The following TPMT variants were observed in gnomAD, a reference collection of about 807,000 sequenced individuals.
The protein encoded by TPMT is S-adenosyl-L-methionine:thiopurine S-methyltransferase.
A neutral mutation model predicts 34.2 loss-of-function variants in TPMT; 18 were observed. That is an observed-to-expected ratio of 0.53 (90% CI 0.36 to 0.78). The LOEUF is 0.78. Ranked by LOEUF, TPMT falls within the 30% of genes least tolerant of loss-of-function variation. The pLI is 0.00. For synonymous variants in TPMT, 69 were observed against 92.4 expected (o/e 0.75, Z 1.45); for missense variants, 265 against 288.1 (o/e 0.92, Z 0.58).
chr6:18,129,230 T>G lies in TPMT; in HGVS notation c.*1438A>C, dbSNP rs1783888517. 6.6e-6 allele frequency: 1 copy of G among 152,228 alleles called. No homozygotes were observed. The highest frequency in any genetic ancestry group is 2.4e-5 in the African/African-American group (1 of 41,460). 9.4% of individuals were successfully genotyped at this position (152,228 alleles called of 1,614,324 possible). On this transcript the variant is annotated 3_prime_UTR_variant, in exon 9 of 9. Transcript: ENST00000309983. Reference sequence around the variant, plus strand: ...CAGGTCTCAGAGAAGCAAGAATCACTGTGAGCAAGGAGTTGCTTCAAATTA... The same window carrying G: ...CAGGTCTCAGAGAAGCAAGAATCACGGTGAGCAAGGAGTTGCTTCAAATTA...
rs1407193615 is a variant in TPMT at position 18,140,054 on chromosome 6, A to G, written c.367-337T>C. On this transcript the variant is annotated intron_variant, in intron 4 of 8. Coordinates refer to ENST00000309983, the MANE Select transcript of TPMT (RefSeq NM_000367.5). This position sits in a 1 kb window ranked among gnomAD's most constrained non-coding sequence, Gnocchi z 4.7. ...CTGCTAAAGATAAATCTGCAGGTCA[A>G]CCAATTATCAGGCAGGGTGGTACTG... Among the ~76,000 whole-genome samples, 1 of 152,204 alleles carries G rather than the reference A, an allele frequency of 6.6e-6. No individual in the cohort carries two copies. Among genetic ancestry groups the G allele is most frequent in the African/African-American group, 2.4e-5 (1 of 41,460 alleles).
At position 18,135,908 on chromosome 6, in the gene TPMT, T is replaced by A. The variant is rs1228491099; in HGVS notation, c.495-2019A>T. 6.6e-6 allele frequency among the ~76,000 whole-genome samples: 1 copy of A among 152,084 alleles called. No individual in the cohort carries two copies. The highest frequency in any genetic ancestry group is 1.5e-5 in the Non-Finnish European group (1 of 68,016). On this transcript the variant is annotated intron_variant, in intron 6 of 8. Coordinates refer to ENST00000309983, the MANE Select transcript of TPMT (RefSeq NM_000367.5). This position sits in a 1 kb window ranked among gnomAD's most constrained non-coding sequence, Gnocchi z 5.0. ...AAGATACTACCAGTACATAGTAAACTAATATCGCCCTTGCTCAGAGTGCAG... is the reference window on the plus strand; with the variant it reads ...AAGATACTACCAGTACATAGTAAACAAATATCGCCCTTGCTCAGAGTGCAG...
At position 18,136,864 on chromosome 6, in the gene TPMT, A is replaced by G. The variant is rs1287719783; in HGVS notation, c.494+2099T>C. Reference sequence around the variant, plus strand: ...AAAATTTTTTTTTCTTTCTGGTAGGACAAATATTGGCAATTTTTGGGTGAG... The same window carrying G: ...AAAATTTTTTTTTCTTTCTGGTAGGGCAAATATTGGCAATTTTTGGGTGAG... On this transcript the variant is annotated intron_variant, in intron 6 of 8. Coordinates refer to ENST00000309983, the MANE Select transcript of TPMT (RefSeq NM_000367.5). The surrounding 1 kb of genome is among the most constrained non-coding windows in gnomAD (Gnocchi z 4.7). 6.6e-6 allele frequency among the ~76,000 whole-genome samples: 1 copy of G among 152,110 alleles called. No individual in the cohort carries two copies. The highest frequency in any genetic ancestry group is 1.5e-5 in the Non-Finnish European group (1 of 68,014).
rs1419758865 is a variant in TPMT at position 18,154,254 on chromosome 6, T to A, written c.-45+779A>T. Reference sequence around the variant, plus strand: ...TCTATAATACAAAAAAAGTGCACATTACAAGAATTAAGGAAGGGAAATTTC... The same window carrying A: ...TCTATAATACAAAAAAAGTGCACATAACAAGAATTAAGGAAGGGAAATTTC... On this transcript the variant is annotated intron_variant, in intron 1 of 8. Transcript: ENST00000309983. This position sits in a 1 kb window ranked among gnomAD's most constrained non-coding sequence, Gnocchi z 4.2. Among the ~76,000 whole-genome samples, 1 of 152,162 alleles carries A rather than the reference T, an allele frequency of 6.6e-6. No individual in the cohort carries two copies. The highest frequency in any genetic ancestry group is 1.5e-5 in the Non-Finnish European group (1 of 68,030).
chr6:18,143,689 G>C lies in TPMT; in HGVS notation c.273C>G (p.Ile91Met), dbSNP rs1399023154. 4.3e-6 allele frequency: 7 copies of C among 1,613,954 alleles called. No homozygotes were observed. Among genetic ancestry groups the C allele is most frequent in the Non-Finnish European group, 5.1e-6 (6 of 1,180,012 alleles). The stretch of plus-strand genomic sequence containing the variant: ...AAAATTCTTGTATCCCAAGTTCACT[G>C]ATTTCCACACCAACTACACTGTGTC... ...DRGHSVVGVE[I>M]SELGIQEFFT... The change falls in exon 4 of 9, where the codon ATC (isoleucine) becomes ATG (methionine). Residue 91 changes from isoleucine (I) to methionine (M), a missense_variant. Ile to Met is a conservative substitution (Grantham distance 10). Coordinates refer to ENST00000309983, the MANE Select transcript of TPMT (RefSeq NM_000367.5). This position sits in a 1 kb window ranked among gnomAD's most constrained non-coding sequence, Gnocchi z 6.1.
chr6:18,144,675 G>A (rs528679858), intron 3 of TPMT, among the ~76,000 whole-genome samples: 4 of 148,486 alleles, frequency 2.7e-5, no homozygotes, highest in East Asian at 4.2e-4. Flanking sequence ...CACCACACCC[G>A]GGCTTTTCCT....
rs1475694309 is a variant in TPMT, at chr6:18,145,317, C to CTACA, written c.234-1593_234-1590dup. Among the ~76,000 whole-genome samples the CTACA allele has an allele frequency of 6.6e-6, 1 of 152,132 alleles. No homozygotes were observed. Among genetic ancestry groups the CTACA allele is most frequent in the Non-Finnish European group, 1.5e-5 (1 of 68,022 alleles). On this transcript the variant is annotated intron_variant, in intron 3 of 8. Coordinates refer to ENST00000309983, the MANE Select transcript of TPMT (RefSeq NM_000367.5). This position sits in a 1 kb window ranked among gnomAD's most constrained non-coding sequence, Gnocchi z 5.6. ...TAAATGGTTGAGAAATAGATAAATA[C>CTACA]TACAATATGGCACTTTACGGTGAAA... is the stretch of plus-strand genomic sequence containing the variant.
Position 18,142,688 on chromosome 6 carries a change from A to C in TPMT, c.366+908T>G, listed in dbSNP as rs566058355. On this transcript the variant is annotated intron_variant, in intron 4 of 8. Coordinates refer to ENST00000309983, the MANE Select transcript of TPMT (RefSeq NM_000367.5). ...TCATTTTGAGCCCAAACCTCACTCC[A>C]TGCTTCAGACATAAAACCTTCACCA... 2.6e-5 allele frequency among the ~76,000 whole-genome samples: 4 copies of C among 152,062 alleles called. No homozygotes were observed. The South Asian group carries it at 8.3e-4, about 32-fold the overall frequency.
intron 3 of TPMT, among the ~76,000 whole-genome samples, chr6:18,147,425 G>A (rs1381971509): frequency 6.6e-6 from 1 of 152,168 alleles, no homozygotes; most frequent in Non-Finnish European, 1.5e-5. Context: ...TATGAACATT[G>A]TCCTGCCAAA....
At position 18,136,566 on chromosome 6, in the gene TPMT, G is replaced by A. The variant is rs148286466; in HGVS notation, c.494+2397C>T. Among the ~76,000 whole-genome samples the A allele has an allele frequency of 1.1e-4, 16 of 152,254 alleles. No homozygotes were observed. In the East Asian group the frequency reaches 2.9e-3, roughly 28 times the overall value. On this transcript the variant is annotated intron_variant, in intron 6 of 8. Coordinates refer to ENST00000309983, the MANE Select transcript of TPMT (RefSeq NM_000367.5). The surrounding 1 kb of genome is among the most constrained non-coding windows in gnomAD (Gnocchi z 4.7). ...GGCTTACACCTCTAATCCCAGCACC[G>A]GGTGGCCGAGGCGGGTGGATCAGCT...
rs756391363 is a variant in TPMT, at chr6:18,139,616, C to T, written c.419+49G>A. ...ACCTCCACTCCCATGCCTGCACTGC[C>T]TGGCAAGCATTCAAATTTTTTAAAG... On this transcript the variant is annotated intron_variant, in intron 5 of 8. Transcript: ENST00000309983. The surrounding 1 kb of genome is among the most constrained non-coding windows in gnomAD (Gnocchi z 4.2). 2.4e-5 allele frequency: 36 copies of T among 1,486,984 alleles called. No homozygotes were observed. In the East Asian group the frequency reaches 7.9e-4, roughly 33 times the overall value. The allele number at this position is 1,486,984 out of a possible 1,614,324, so 92.1% of individuals were successfully genotyped here.
In TPMT at chr6:18,130,357, A is replaced by AT. The variant is rs1489311903; in HGVS notation, c.*310dup. 3.9e-6 allele frequency: 1 copy of AT among 256,328 alleles called. No individual in the cohort carries two copies. Among genetic ancestry groups the AT allele is most frequent in the Non-Finnish European group, 7.6e-6 (1 of 131,974 alleles). The allele number at this position is 256,328 out of a possible 1,614,324, so 15.9% of individuals were successfully genotyped here. Reference sequence around the variant, plus strand: ...TTTAATATGCATTGCATTTTGAAATATTTTTTTAATTGTACAGGTAACACA... The same window carrying AT: ...TTTAATATGCATTGCATTTTGAAATATTTTTTTTAATTGTACAGGTAACACA... On this transcript the variant is annotated 3_prime_UTR_variant, in exon 9 of 9. Coordinates refer to ENST00000309983, the MANE Select transcript of TPMT (RefSeq NM_000367.5). The surrounding 1 kb of genome is among the most constrained non-coding windows in gnomAD (Gnocchi z 4.2).
chr6:18,139,581 T>TGAG lies in TPMT; in HGVS notation c.419+81_419+83dup, dbSNP rs1315956436. 6 of 1,090,920 alleles carry TGAG rather than the reference T, an allele frequency of 5.5e-6. No homozygotes were observed. Among genetic ancestry groups the TGAG allele is most frequent in the Non-Finnish European group, 7.0e-6 (5 of 712,628 alleles). 67.6% of individuals were successfully genotyped at this position (1,090,920 alleles called of 1,614,324 possible). Reference sequence around the variant, plus strand: ...TGGATGTTACACAGGAGGAAGAGAGTGAGGAAGACACCTCCACTCCCATGC... The same window carrying TGAG: ...TGGATGTTACACAGGAGGAAGAGAGTGAGGAGGAAGACACCTCCACTCCCATGC... On this transcript the variant is annotated intron_variant, in intron 5 of 8. Transcript: ENST00000309983. This position sits in a 1 kb window ranked among gnomAD's most constrained non-coding sequence, Gnocchi z 4.2.
At chr6:18,151,177 CT>C (rs750448797) in intron 1 of TPMT, among the ~76,000 whole-genome samples, 5 of 139,600 alleles carry the variant, frequency 3.6e-5, no homozygotes, top group East Asian at 2.0e-4. Flanking sequence ...TTTTTAACTT[CT>C]TCTCTCTTTT....
intron 3 of TPMT, among the ~76,000 whole-genome samples, chr6:18,144,225 T>C (rs901678833): frequency 1.4e-4 from 21 of 152,236 alleles, no homozygotes; most frequent in Non-Finnish European, 1.3e-4. Context: ...CACATGTGGC[T>C]AGTAGCTACT....
intron 1 of TPMT, among the ~76,000 whole-genome samples, chr6:18,151,180 CTCTCT>C (rs1000191827): frequency 4.6e-5 from 6 of 129,132 alleles, no homozygotes; most frequent in African/African-American, 1.2e-4. Context: ...TTAACTTCTT[CTCTCT>C]TTTTTTTTTT....
Position 18,139,100 on chromosome 6 carries a change from G to T in TPMT, c.420-63C>A. 1 of 1,359,382 alleles carries T rather than the reference G, an allele frequency of 7.4e-7. No individual in the cohort carries two copies. The highest frequency in any genetic ancestry group is 1.4e-5 in the African/African-American group (1 of 70,120). 84.2% of individuals were successfully genotyped at this position (1,359,382 alleles called of 1,614,324 possible). A position where few individuals can be genotyped will look rare whatever the true frequency, so the allele number is the denominator to read the frequency against. On this transcript the variant is annotated intron_variant, in intron 5 of 8. Transcript: ENST00000309983. The surrounding 1 kb of genome is among the most constrained non-coding windows in gnomAD (Gnocchi z 4.2). ...TCAAATCTTTAAGAAGATGAGCAGC[G>T]TCCCCCATGGTGCATGCTGGTACTT...
chr6:18,149,252 T>G lies in TPMT; in HGVS notation c.-44-81A>C. 1.7e-6 allele frequency: 2 copies of G among 1,211,702 alleles called. No homozygotes were observed. Among genetic ancestry groups the G allele is most frequent in the Non-Finnish European group, 2.4e-6 (2 of 839,326 alleles). 75.1% of individuals were successfully genotyped at this position (1,211,702 alleles called of 1,614,324 possible). ...GAACTAAATGAAAACCTATTATTCT[T>G]AGCAGTATGACTTTTTAAAAATATT... On this transcript the variant is annotated intron_variant, in intron 1 of 8. Coordinates refer to ENST00000309983, the MANE Select transcript of TPMT (RefSeq NM_000367.5). The surrounding 1 kb of genome is among the most constrained non-coding windows in gnomAD (Gnocchi z 5.0).
chr6:18,130,854 A>G lies in TPMT; in HGVS notation c.626-74T>C. ...AGGGATTCTTTTAAAAATACTCAAA[A>G]TTGGCTGGGTGCGGTGGCTCACACC... On this transcript the variant is annotated intron_variant, in intron 8 of 8. Coordinates refer to ENST00000309983, the MANE Select transcript of TPMT (RefSeq NM_000367.5). This position sits in a 1 kb window ranked among gnomAD's most constrained non-coding sequence, Gnocchi z 4.2. 7.5e-7 allele frequency: 1 copy of G among 1,328,074 alleles called. No individual in the cohort carries two copies. Among genetic ancestry groups the G allele is most frequent in the Non-Finnish European group, 1.1e-6 (1 of 929,024 alleles). The allele number at this position is 1,328,074 out of a possible 1,614,324, so 82.3% of individuals were successfully genotyped here. A position where few individuals can be genotyped will look rare whatever the true frequency, so the allele number is the denominator to read the frequency against.
Sources: gnomAD v4.1 joint callset for allele counts (sites outside exome capture counted in the v4.1 genomes callset) on GRCh38, gnomAD v4.1.1 for gene constraint, Gnocchi (gnomAD v3.1) non-coding constraint, MANE v1.5 for transcripts, NCBI Gene and HGNC (gene_info 2026-07-23, HGNC 2026-07-21) for gene names.